Variants in CAMK2D observed in about 807,000 individuals in gnomAD.
CAMK2D encodes the protein calcium/calmodulin dependent protein kinase II delta, also known as calcium/calmodulin-dependent protein kinase type II subunit delta.
Under a neutral mutation model 84.0 loss-of-function variants are expected in CAMK2D, and 37 were observed. The observed-to-expected ratio is 0.44, with a 90% CI of 0.34 to 0.58. The LOEUF is 0.58. Ranked by LOEUF, CAMK2D falls within the 20% of genes least tolerant of loss-of-function variation. CAMK2D has a pLI of 0.02. For synonymous variants in CAMK2D, 202 were observed against 212.5 expected, an observed-to-expected ratio of 0.95 and a Z score of 0.43; for missense variants, 448 against 652.5, an observed-to-expected ratio of 0.69 and a Z score of 3.41.
At chr4:113,623,438 T>G (rs762777043) in intron 3 of CAMK2D, among the ~76,000 whole-genome samples, 11 of 152,022 alleles carry the variant, frequency 7.2e-5, no homozygotes, top group Non-Finnish European at 1.3e-4. Context: ...CATGTGTCAC[T>G]TAACTACAGA....
chr4:113,726,007 T>C (rs1381062526), intron 2 of CAMK2D, among the ~76,000 whole-genome samples: 8 of 152,186 alleles, frequency 5.3e-5, no homozygotes, highest in African/African-American at 1.2e-4. Flanking sequence ...AGCATAGAGA[T>C]GAAACAAGTT....
chr4:113,556,927 A>G (rs1037713578), intron 4 of CAMK2D, among the ~76,000 whole-genome samples: 2 of 152,182 alleles, frequency 1.3e-5, no homozygotes, highest in African/African-American at 4.8e-5. Context: ...TTCTGAGTGA[A>G]TAAGTGATTA....
At chr4:113,692,630 A>T (rs999952022) in intron 2 of CAMK2D, among the ~76,000 whole-genome samples, 1 of 152,004 alleles carries the variant, frequency 6.6e-6, no homozygotes, top group East Asian at 1.9e-4. Flanking sequence ...ACATTCATAT[A>T]TTCATTCATA....
At chr4:113,456,723 A>G (rs2097308177) in intron 19 of CAMK2D, 1 of 152,478 alleles carries the variant, frequency 6.6e-6, no homozygotes, top group Admixed American at 6.5e-5. Flanking sequence ...CTAAATGAGA[A>G]TACATGTTTC....
intron 6 of CAMK2D, among the ~76,000 whole-genome samples, chr4:113,539,416 T>C (rs965227064): frequency 6.6e-6 from 1 of 152,246 alleles, no homozygotes; most frequent in Non-Finnish European, 1.5e-5. Context: ...GGTGATAAGT[T>C]TGTTGAGCAA....
chr4:113,509,359 G>T (rs1224586293), intron 13 of CAMK2D, among the ~76,000 whole-genome samples: 1 of 152,170 alleles, frequency 6.6e-6, no homozygotes, highest in Non-Finnish European at 1.5e-5. Context: ...AAATCAGAGA[G>T]ATTAAGACAT....
chr4:113,566,241 A>T (rs1469299486), intron 4 of CAMK2D, among the ~76,000 whole-genome samples: 2 of 152,228 alleles, frequency 1.3e-5, no homozygotes, highest in African/African-American at 4.8e-5. Context: ...AAAACCATGT[A>T]TCTTCCTAAA....
At chr4:113,737,281 T>C (rs539135922) in intron 2 of CAMK2D, among the ~76,000 whole-genome samples, 1 of 152,296 alleles carries the variant, frequency 6.6e-6, no homozygotes, top group South Asian at 2.1e-4. Context: ...AACTGTTGTA[T>C]ATACATAAAA....
intron 2 of CAMK2D, among the ~76,000 whole-genome samples, chr4:113,698,689 C>T (rs941104401): frequency 1.3e-5 from 2 of 152,060 alleles, no homozygotes; most frequent in East Asian, 1.9e-4. Context: ...ATCCCATTCT[C>T]CAAAGGTGTT....
rs573895281 is a variant in CAMK2D at position 113,677,563 on chromosome 4, T to C, written c.161-15791A>G. 7.0e-5 allele frequency: 69 copies of C among 982,302 alleles called. No homozygotes were observed. The African/African-American group carries it at 8.9e-4, about 13-fold the overall frequency. 60.8% of individuals were successfully genotyped at this position (982,302 alleles called of 1,614,324 possible). A position where few individuals can be genotyped will look rare whatever the true frequency, so the allele number is the denominator to read the frequency against. On this transcript the variant is annotated intron_variant, in intron 2 of 20. Transcript: ENST00000511664. ...TTCCGTCAGACATGAGGATAATCTG[T>C]CAATCATCCAGAGCCTTCTCTAAGA...
chr4:113,683,355 G>A (rs1434281981), intron 2 of CAMK2D, among the ~76,000 whole-genome samples: 1 of 152,162 alleles, frequency 6.6e-6, no homozygotes, highest in Admixed American at 6.5e-5. Context: ...GAGCAGCACT[G>A]ATGATACAGG....
chr4:113,638,444 T>C (rs1192983996), intron 3 of CAMK2D, among the ~76,000 whole-genome samples: 1 of 152,114 alleles, frequency 6.6e-6, no homozygotes, highest in Non-Finnish European at 1.5e-5. Flanking sequence ...TGAGGTGTGA[T>C]TCCCATAGAG....
chr4:113,680,410 G>A (rs1308922782), intron 2 of CAMK2D, among the ~76,000 whole-genome samples: 2 of 152,206 alleles, frequency 1.3e-5, no homozygotes, highest in African/African-American at 2.4e-5. Context: ...AGAGGGAGAT[G>A]ACTTTGGGAG....
rs2098183039 is a variant in CAMK2D, at chr4:113,509,625, C to A, written c.984+13G>T. 6.4e-7 allele frequency: 1 copy of A among 1,558,454 alleles called. No homozygotes were observed. The highest frequency in any genetic ancestry group is 1.4e-5 in the African/African-American group (1 of 73,900). On this transcript the variant is annotated intron_variant, in intron 13 of 20. Coordinates refer to ENST00000511664, the MANE Select transcript of CAMK2D (RefSeq NM_001321571.2). ...AAAGTCAGAAATGGATTAGGGGCATCTGTTTAACTTACCTTTACTCCATCT... is the reference window on the plus strand; with the variant it reads ...AAAGTCAGAAATGGATTAGGGGCATATGTTTAACTTACCTTTACTCCATCT...
chr4:113,647,748 A>G (rs1262935431), intron 3 of CAMK2D, among the ~76,000 whole-genome samples: 1 of 152,238 alleles, frequency 6.6e-6, no homozygotes, highest in East Asian at 1.9e-4. Context: ...GTGGGGGAAA[A>G]ATGGTTCCAT....
chr4:113,537,220 A>G, intron 7 of CAMK2D, 121 bp downstream of exon 7: 1 of 560,174 alleles, frequency 1.8e-6, no homozygotes. Context: ...ATATCTAAAA[A>G]TTAGTCAAAT....
Position 113,536,857 on chromosome 4 carries a change from G to A in CAMK2D, c.517+484C>T, listed in dbSNP as rs186631548. ...GTTGAAGACATACAAAATAACTAAG[G>A]TGAAATATACACATAAATAGATGCT... On this transcript the variant is annotated intron_variant, in intron 7 of 20. Coordinates refer to ENST00000511664, the MANE Select transcript of CAMK2D (RefSeq NM_001321571.2). 3.3e-5 allele frequency among the ~76,000 whole-genome samples: 5 copies of A among 152,096 alleles called. No individual in the cohort carries two copies. In the East Asian group the frequency reaches 7.7e-4, roughly 24 times the overall value.
At chr4:113,673,524 G>A (rs934890159) in intron 2 of CAMK2D, among the ~76,000 whole-genome samples, 4 of 152,326 alleles carry the variant, frequency 2.6e-5, no homozygotes, top group African/African-American at 7.2e-5. Context: ...AGCCAGGGGC[G>A]GCATGACTAT....
intron 3 of CAMK2D, among the ~76,000 whole-genome samples, chr4:113,628,658 G>C (rs73843443): frequency 1.2e-4 from 18 of 151,970 alleles, no homozygotes; most frequent in Non-Finnish European, 1.5e-5. Context: ...GATGATGCAC[G>C]TAAATAAAAC....
Sources: gnomAD v4.1 joint callset for allele counts (sites outside exome capture counted in the v4.1 genomes callset) on GRCh38, gnomAD v4.1.1 for gene constraint, MANE v1.5 for transcripts, NCBI Gene and HGNC (gene_info 2026-07-23, HGNC 2026-07-21) for gene names.